Variants in SVIL observed in about 807,000 individuals in gnomAD.
SVIL encodes supervillin, also known as archvillin.
In SVIL, 101 loss-of-function variants were observed where a neutral mutation model predicts 240.4. The observed-to-expected ratio is 0.42, with a 90% CI of 0.36 to 0.50. The LOEUF (loss-of-function observed/expected upper bound fraction) is 0.50, where lower values mean the gene tolerates loss of function less well. Ranked by LOEUF, SVIL falls within the 20% of genes least tolerant of loss-of-function variation. The pLI is 0.01. For missense variants in SVIL, 2,512 were observed against 2,818.7 expected, an observed-to-expected ratio of 0.89 and a Z score of 2.46; for synonymous variants, 999 against 1,100.0, an observed-to-expected ratio of 0.91 and a Z score of 1.82.
At chr10:29,492,611 C>A (rs1052465144) in intron 21 of SVIL, among the ~76,000 whole-genome samples, 4 of 152,130 alleles carry the variant, frequency 2.6e-5, no homozygotes, top group African/African-American at 9.7e-5. Context: ...GAGTTGGGAT[C>A]TTTTTCTTGG....
chr10:29,555,036 C>A lies in SVIL; in HGVS notation c.8+15G>T. On this transcript the variant is annotated intron_variant, in intron 4 of 37. Transcript: ENST00000355867. Reference sequence around the variant, plus strand: ...GCTCTCTTCTACTTCCTAACTCCCACTATAAAGATCTTACCTTTTCATTTC... The same window carrying A: ...GCTCTCTTCTACTTCCTAACTCCCAATATAAAGATCTTACCTTTTCATTTC... The A allele has an allele frequency of 6.2e-7, 1 of 1,613,198 alleles. No homozygotes were observed. The highest frequency in any genetic ancestry group is 1.1e-5 in the South Asian group (1 of 90,984).
rs565512689 is a variant in SVIL, at chr10:29,610,399, T to C, written c.-201+24021A>G. 9.2e-5 allele frequency among the ~76,000 whole-genome samples: 14 copies of C among 151,824 alleles called. 2 individuals carry two copies. The South Asian group carries it at 2.7e-3, about 29-fold the overall frequency. ...TTGTCCATAAACACACACCACTTGT[T>C]TTGTCAATCAAGGCTCTCCCCTGCC... On this transcript the variant is annotated intron_variant, in intron 1 of 37. Transcript: ENST00000355867.
intron 2 of SVIL, among the ~76,000 whole-genome samples, chr10:29,675,771 G>T (rs1960156279): frequency 6.6e-6 from 1 of 152,172 alleles, no homozygotes; most frequent in Non-Finnish European, 1.5e-5. Flanking sequence ...ACTTGTTCAT[G>T]ATAGTAAAGA....
intron 18 of SVIL, among the ~76,000 whole-genome samples, chr10:29,496,932 G>C (rs1223805114): frequency 6.6e-6 from 1 of 152,238 alleles, no homozygotes; most frequent in East Asian, 1.9e-4. Context: ...CTCAGTTCCA[G>C]TTCTACTTAG....
intron 3 of SVIL, among the ~76,000 whole-genome samples, chr10:29,654,263 T>C (rs947876243): frequency 2.0e-5 from 3 of 152,212 alleles, no homozygotes; most frequent in Admixed American, 1.3e-4. Context: ...CTTCTTTTGT[T>C]AAACTTATTC....
chr10:29,493,950 G>C (rs554817992), intron 20 of SVIL, among the ~76,000 whole-genome samples: 1 of 152,280 alleles, frequency 6.6e-6, no homozygotes, highest in East Asian at 1.9e-4. Context: ...TGAGGCTGGG[G>C]GATCGCTTGA....
chr10:29,496,858 G>C (rs555300798), intron 18 of SVIL, among the ~76,000 whole-genome samples: 103 of 152,338 alleles, frequency 6.8e-4, no homozygotes, highest in African/African-American at 2.4e-3. Context: ...AGAAACCAAA[G>C]CGGAAAGTCA....
chr10:29,593,756 C>T (rs1956477387), intron 1 of SVIL, among the ~76,000 whole-genome samples: 2 of 152,162 alleles, frequency 1.3e-5, no homozygotes, highest in Admixed American at 1.3e-4. Flanking sequence ...ATAAATCAAT[C>T]CTATAATTTT....
intron 2 of SVIL, among the ~76,000 whole-genome samples, chr10:29,667,474 C>T (rs1193484647): frequency 2.0e-5 from 3 of 152,078 alleles, no homozygotes; most frequent in African/African-American, 7.2e-5. Flanking sequence ...GAACTGATGA[C>T]ACGGGGCAAC....
chr10:29,635,202 G>A (rs1958264631), upstream of SVIL, among the ~76,000 whole-genome samples: 1 of 152,146 alleles, frequency 6.6e-6, no homozygotes, highest in South Asian at 2.1e-4. Context: ...CAACAATACA[G>A]ATTTGGATGA....
chr10:29,553,107 C>T (rs962751060), intron 5 of SVIL, among the ~76,000 whole-genome samples: 2 of 143,410 alleles, frequency 1.4e-5, no homozygotes, highest in African/African-American at 2.6e-5. Flanking sequence ...TGTTGAGCCA[C>T]CAAGCCCAGC....
intron 1 of SVIL, among the ~76,000 whole-genome samples, chr10:29,700,966 G>T (rs1367887933): frequency 6.6e-6 from 1 of 152,202 alleles, no homozygotes; most frequent in Non-Finnish European, 1.5e-5. Flanking sequence ...GACCCAGCTG[G>T]TAGGGCCACC....
chr10:29,594,195 A>C (rs1956494623), intron 1 of SVIL, among the ~76,000 whole-genome samples: 3 of 152,240 alleles, frequency 2.0e-5, no homozygotes, highest in Admixed American at 2.0e-4. Context: ...GAAACATAAA[A>C]GAATTTGGTG....
chr10:29,726,781 T>A (rs776156408), intron 1 of SVIL, among the ~76,000 whole-genome samples: 8 of 151,902 alleles, frequency 5.3e-5, no homozygotes, highest in African/African-American at 7.3e-5. Context: ...AAGAACAGCA[T>A]GTCAAGCCCT....
At chr10:29,674,129 G>C (rs181952893) in intron 2 of SVIL, among the ~76,000 whole-genome samples, 15 of 152,086 alleles carry the variant, frequency 9.9e-5, no homozygotes, top group Admixed American at 7.9e-4. Flanking sequence ...CCAGGAGTTT[G>C]AGACCAGTCT....
chr10:29,644,985 A>G (rs1165295699), intron 3 of SVIL, among the ~76,000 whole-genome samples: 1 of 151,842 alleles, frequency 6.6e-6, no homozygotes, highest in East Asian at 1.9e-4. Flanking sequence ...GGTGGAGGAC[A>G]CTAAAAAAAA....
Position 29,523,850 on chromosome 10 carries a change from C to A in SVIL, c.2764G>T (p.Val922Phe). 1 of 1,614,202 alleles carries A rather than the reference C, an allele frequency of 6.2e-7. No individual in the cohort carries two copies. Among genetic ancestry groups the A allele is most frequent in the South Asian group, 1.1e-5 (1 of 91,090 alleles). Residue 922 changes from valine (V) to phenylalanine (F), a missense_variant, in exon 15 of 38, where the codon GTT becomes TTT. By Grantham distance (50) the Val-to-Phe change is conservative (BLOSUM62 -1). This residue lies in a region of SVIL where 1,443 missense variants were observed against 1,486.6 expected (regional missense o/e 0.97). Transcript: ENST00000355867. ...GCTTGCGATTTCAGAATGCTTCTAACTGGAGAGTCCGAATTTTCTATTGAA... is the reference window on the plus strand; with the variant it reads ...GCTTGCGATTTCAGAATGCTTCTAAATGGAGAGTCCGAATTTTCTATTGAA... ...SSSIENSDSP[V>F]RSILKSQAWQ...
chr10:29,599,746 G>C (rs1271576364), intron 1 of SVIL, among the ~76,000 whole-genome samples: 1 of 152,096 alleles, frequency 6.6e-6, no homozygotes, highest in East Asian at 1.9e-4. Flanking sequence ...GTCCTCCAGG[G>C]AGAAGCAAAA....
intron 1 of SVIL, among the ~76,000 whole-genome samples, chr10:29,615,276 G>C (rs1957389743): frequency 6.6e-6 from 1 of 152,142 alleles, no homozygotes; most frequent in Non-Finnish European, 1.5e-5. Flanking sequence ...CTAGATGTTT[G>C]CCACCTTGTT....
Sources: allele counts gnomAD v4.1 joint callset (sites outside exome capture counted in the v4.1 genomes callset), GRCh38; gene constraint gnomAD v4.1.1; regional missense constraint gnomAD v4.1.1; transcripts MANE v1.5; gene names NCBI Gene and HGNC (gene_info 2026-07-23, HGNC 2026-07-21).